Variants in POU2F1 observed in about 807,000 individuals in gnomAD.
The protein encoded by POU2F1 is POU class 2 homeobox 1.
A neutral mutation model predicts 84.9 loss-of-function variants in POU2F1; 16 were observed. The ratio of observed to expected loss-of-function variants is 0.19; its 90% CI spans 0.13 to 0.29. The LOEUF is 0.29. Among genes scored for constraint, POU2F1 ranks in the 10% least tolerant of loss-of-function variants. The probability of loss-of-function intolerance (pLI) is 1.00; values close to 1 mark genes in which losing one functional copy is unlikely to be tolerated. For synonymous variants in POU2F1, 368 were observed against 368.3 expected (o/e 1.00, Z 0.01); for missense variants, 738 against 942.6 (o/e 0.78, Z 2.84).
intron 1 of POU2F1, among the ~76,000 whole-genome samples, chr1:167,274,866 A>C (rs1652612068): frequency 6.6e-6 from 1 of 152,102 alleles, no homozygotes; most frequent in Admixed American, 6.5e-5. Context: ...AAATAATGAC[A>C]ACCCTCTCAT....
At chr1:167,357,994 G>T (rs1324188398) in intron 2 of POU2F1, among the ~76,000 whole-genome samples, 1 of 151,436 alleles carries the variant, frequency 6.6e-6, no homozygotes, top group East Asian at 1.9e-4. Context: ...AGTAGAGATG[G>T]GGTTTCACCG....
chr1:167,238,753 G>A (rs1307229418), intron 1 of POU2F1, among the ~76,000 whole-genome samples: 1 of 152,218 alleles, frequency 6.6e-6, no homozygotes, highest in Non-Finnish European at 1.5e-5. Context: ...TTAGTACAAG[G>A]TTACTGGCAT....
intron 1 of POU2F1, among the ~76,000 whole-genome samples, chr1:167,256,031 T>C (rs1553198685): frequency 6.6e-6 from 1 of 152,172 alleles, no homozygotes; most frequent in Non-Finnish European, 1.5e-5. Context: ...GGATTCAGGA[T>C]TGTGTTCCCC....
chr1:167,402,160 A>G (rs113274422), intron 13 of POU2F1, among the ~76,000 whole-genome samples: 1,564 of 152,312 alleles, frequency 0.01, 30 homozygotes, highest in African/African-American at 0.036. Context: ...TTAAATAGCA[A>G]ATTTTCCAGA....
At chr1:167,391,616 C>G (rs1311207881) in intron 9 of POU2F1, among the ~76,000 whole-genome samples, 1 of 116,222 alleles carries the variant, frequency 8.6e-6, no homozygotes, top group African/African-American at 3.4e-5. Flanking sequence ...GTCACCCAGG[C>G]TGGAGTACAG....
At chr1:167,350,624 A>G (rs1256743208) in intron 2 of POU2F1, among the ~76,000 whole-genome samples, 1 of 151,176 alleles carries the variant, frequency 6.6e-6, no homozygotes. Flanking sequence ...CAGTGAGCCA[A>G]GATCTTGCCA....
chr1:167,269,919 A>AC (rs1652243996), intron 1 of POU2F1, among the ~76,000 whole-genome samples: 1 of 151,764 alleles, frequency 6.6e-6, no homozygotes, highest in African/African-American at 2.4e-5. Flanking sequence ...GTCTCAAAAA[A>AC]AAAAAAAAAA....
intron 1 of POU2F1, among the ~76,000 whole-genome samples, chr1:167,306,251 G>A (rs1202929125): frequency 6.6e-6 from 1 of 152,086 alleles, no homozygotes; most frequent in East Asian, 1.9e-4. Context: ...ATTAAAACAT[G>A]AAGACAAAAG....
At chr1:167,224,808 T>C (rs986709463) in intron 1 of POU2F1, among the ~76,000 whole-genome samples, 3 of 150,662 alleles carry the variant, frequency 2.0e-5, no homozygotes, top group African/African-American at 7.3e-5. Flanking sequence ...TTCTAGGAAA[T>C]CCATTGTCAC....
At chr1:167,349,130 A>G (rs868573047) in intron 2 of POU2F1, among the ~76,000 whole-genome samples, 9 of 152,072 alleles carry the variant, frequency 5.9e-5, no homozygotes, top group Admixed American at 2.0e-4. Context: ...GGTGTCTTCT[A>G]CTTTTGGTAT....
At chr1:167,320,675 A>G (rs1656244404) in intron 1 of POU2F1, among the ~76,000 whole-genome samples, 1 of 152,250 alleles carries the variant, frequency 6.6e-6, no homozygotes, top group Non-Finnish European at 1.5e-5. Flanking sequence ...AGAAAAAGCC[A>G]CTTTACAAGA....
intron 1 of POU2F1, among the ~76,000 whole-genome samples, chr1:167,297,280 G>A (rs964270762): frequency 6.6e-6 from 1 of 152,178 alleles, no homozygotes; most frequent in Non-Finnish European, 1.5e-5. Context: ...GTTATTGGTA[G>A]TTTGCTTTCA....
rs764969448 is a variant in POU2F1 at position 167,389,725 on chromosome 1, C to A, written c.951C>A (p.Thr317=). 1 of 1,613,994 alleles carries A rather than the reference C, an allele frequency of 6.2e-7. No homozygotes were observed. The highest frequency in any genetic ancestry group is 1.1e-5 in the South Asian group (1 of 91,060). ...DLEELEQFAK[T]FKQRRIKLGF... is the part of the protein sequence containing the mutation. ...AGGAGCTTGAGCAGTTTGCCAAGAC[C>A]TTCAAACAAAGACGAATCAAACTTG... The change falls in exon 9 of 16, where the codon ACC becomes ACA. Residue 317 remains threonine, a synonymous_variant. Coordinates refer to ENST00000367866, the MANE Select transcript of POU2F1 (RefSeq NM_002697.4).
Position 167,419,686 on chromosome 1 carries a change from T to C in POU2F1, c.*3876T>C, listed in dbSNP as rs913797392. The C allele has an allele frequency of 4.6e-5, 7 of 152,268 alleles. No individual in the cohort carries two copies. The highest frequency in any genetic ancestry group is 1.4e-4 in the African/African-American group (6 of 41,480). The allele number at this position is 152,268 out of a possible 1,614,324, so 9.4% of individuals were successfully genotyped here. A position where few individuals can be genotyped will look rare whatever the true frequency, so the allele number is the denominator to read the frequency against. On this transcript the variant is annotated 3_prime_UTR_variant, in exon 16 of 16. Transcript: ENST00000367866. The stretch of plus-strand genomic sequence containing the variant: ...TAGGCAGCATTTTAGAATTAAGAAT[T>C]GTGTATATCCATTAACTGATATAAT...
At chr1:167,248,027 G>A (rs1458833253) in intron 1 of POU2F1, among the ~76,000 whole-genome samples, 1 of 152,174 alleles carries the variant, frequency 6.6e-6, no homozygotes, top group Non-Finnish European at 1.5e-5. Context: ...GGAAGTTAAT[G>A]TATTTTTCTT....
intron 3 of POU2F1, among the ~76,000 whole-genome samples, chr1:167,366,553 C>T (rs928927727): frequency 2.0e-5 from 3 of 152,050 alleles, no homozygotes; most frequent in Non-Finnish European, 2.9e-5. Flanking sequence ...TTCTAAAGCC[C>T]ATTTATTTGT....
chr1:167,367,399 G>A (rs947623474), intron 3 of POU2F1, among the ~76,000 whole-genome samples: 1 of 152,146 alleles, frequency 6.6e-6, no homozygotes, highest in Non-Finnish European at 1.5e-5. Context: ...TAGGTGTTCA[G>A]TAATTATTTG....
intron 1 of POU2F1, among the ~76,000 whole-genome samples, chr1:167,317,784 A>C (rs147380508): frequency 0.017 from 2,579 of 152,256 alleles, 73 homozygotes; most frequent in African/African-American, 0.058. Flanking sequence ...TGCTGCAGAG[A>C]TTTTGTTGAT....
rs1412528320 is a variant in POU2F1 at position 167,415,645 on chromosome 1, T to C, written c.2136T>C (p.Pro712=). Residue 712 remains proline (P), a synonymous_variant, in exon 16 of 16, where the codon CCT becomes CCC. Coordinates refer to ENST00000367866, the MANE Select transcript of POU2F1 (RefSeq NM_002697.4). ...PQNLSLLTSN[P]VSLVSAAAAS... is the part of the protein sequence containing the mutation. ...ACCTCTCTCTGCTCACCAGCAACCCTGTTAGCTTGGTCTCTGCCGCCGCAG... is the reference window on the plus strand; with the variant it reads ...ACCTCTCTCTGCTCACCAGCAACCCCGTTAGCTTGGTCTCTGCCGCCGCAG... 1 of 1,614,156 alleles carries C rather than the reference T, an allele frequency of 6.2e-7. No individual in the cohort carries two copies. Among genetic ancestry groups the C allele is most frequent in the Admixed American group, 1.7e-5 (1 of 60,026 alleles).
Sources: gnomAD v4.1 joint callset for allele counts (sites outside exome capture counted in the v4.1 genomes callset) on GRCh38, gnomAD v4.1.1 for gene constraint, MANE v1.5 for transcripts, NCBI Gene and HGNC (gene_info 2026-07-23, HGNC 2026-07-21) for gene names.